The following DEUP1 variants were observed in gnomAD, a reference collection of about 807,000 sequenced individuals.
DEUP1 encodes coiled-coil domain containing 67.
In DEUP1, 82 loss-of-function variants were observed where a neutral mutation model predicts 87.4. The ratio of observed to expected loss-of-function variants is 0.94; its 90% CI spans 0.78 to 1.13. DEUP1 has a LOEUF of 1.13. Among genes scored for constraint, DEUP1 ranks in the 50% most tolerant of loss-of-function variants. The pLI is 0.00. For synonymous variants in DEUP1, 214 were observed against 222.7 expected (o/e 0.96, Z 0.35); for missense variants, 663 against 681.5 (o/e 0.97, Z 0.30).
At chr11:93,353,954 A>G (rs1369809454) in intron 2 of DEUP1, among the ~76,000 whole-genome samples, 1 of 152,242 alleles carries the variant, frequency 6.6e-6, no homozygotes, top group Non-Finnish European at 1.5e-5. Flanking sequence ...GATTAACATT[A>G]GGCTCCTTGC....
chr11:93,370,421 A>T (rs1292937685), intron 6 of DEUP1, among the ~76,000 whole-genome samples: 1 of 152,216 alleles, frequency 6.6e-6, no homozygotes, highest in Non-Finnish European at 1.5e-5. Flanking sequence ...ATTAAATAGC[A>T]TATGTTTTTG....
At chr11:93,359,161 G>C (rs1463692852) in intron 4 of DEUP1, among the ~76,000 whole-genome samples, 1 of 152,128 alleles carries the variant, frequency 6.6e-6, no homozygotes, top group Non-Finnish European at 1.5e-5. Flanking sequence ...GCAGAAAATG[G>C]TATCTTGTGG....
chr11:93,352,187 C>T, intron 2 of DEUP1: 1 of 524,770 alleles, frequency 1.9e-6, no homozygotes, highest in South Asian at 3.2e-5. Context: ...TGGCACCTGC[C>T]TCTCCCTCCT....
At chr11:93,381,355 G>T (rs2925363) in intron 7 of DEUP1, among the ~76,000 whole-genome samples, 27 of 151,920 alleles carry the variant, frequency 1.8e-4, no homozygotes, top group African/African-American at 5.6e-4. Context: ...CAAAACTGTC[G>T]TGACAGTGTT....
At position 93,437,733 on chromosome 11, in the gene DEUP1, T is replaced by C. The variant is rs1477625340; in HGVS notation, c.*14T>C. ...AGACACATATGAGCTTTTAAACTTT[T>C]TTATTTGCTTCCCCCCCCCACCCCC... On this transcript the variant is annotated 3_prime_UTR_variant, in exon 14 of 14. Coordinates refer to ENST00000298050, the MANE Select transcript of DEUP1 (RefSeq NM_181645.4). The C allele has an allele frequency of 7.0e-7, 1 of 1,431,398 alleles. No homozygotes were observed. The highest frequency in any genetic ancestry group is 1.9e-5 in the Admixed American group (1 of 53,598). 88.7% of individuals were successfully genotyped at this position (1,431,398 alleles called of 1,614,324 possible). A position where few individuals can be genotyped will look rare whatever the true frequency, so the allele number is the denominator to read the frequency against.
rs1182617715 is a variant in DEUP1 at position 93,437,721 on chromosome 11, C to A, written c.*2C>A. ...CTAAAACAAAATAGACACATATGAG[C>A]TTTTAAACTTTTTTATTTGCTTCCC... On this transcript the variant is annotated 3_prime_UTR_variant, in exon 14 of 14. Coordinates refer to ENST00000298050, the MANE Select transcript of DEUP1 (RefSeq NM_181645.4). The A allele has an allele frequency of 6.5e-7, 1 of 1,543,406 alleles. No homozygotes were observed. Among genetic ancestry groups the A allele is most frequent in the Non-Finnish European group, 8.9e-7 (1 of 1,128,342 alleles).
intron 4 of DEUP1, among the ~76,000 whole-genome samples, chr11:93,359,078 A>G (rs1421888661): frequency 1.3e-5 from 2 of 152,214 alleles, no homozygotes; most frequent in African/African-American, 4.8e-5. Flanking sequence ...AAAGTAGGGG[A>G]AAAGAGAGAA....
At chr11:93,355,896 T>A (rs1223008185) in intron 3 of DEUP1, among the ~76,000 whole-genome samples, 2 of 152,150 alleles carry the variant, frequency 1.3e-5, no homozygotes, top group African/African-American at 4.8e-5. Context: ...AAGGCAGAGT[T>A]CAGTAACATT....
chr11:93,419,250 C>T (rs1257344196), intron 13 of DEUP1, among the ~76,000 whole-genome samples: 1 of 151,162 alleles, frequency 6.6e-6, no homozygotes, highest in Admixed American at 6.6e-5. Flanking sequence ...CACACTGCTA[C>T]TGCTCAGACC....
chr11:93,406,344 A>G, intron 11 of DEUP1, among the ~76,000 whole-genome samples: 1 of 151,946 alleles, frequency 6.6e-6, no homozygotes, highest in East Asian at 1.9e-4. Context: ...CGCAATCTAT[A>G]TTAATTTAGT....
chr11:93,341,622 G>C (rs575236673), intron 2 of DEUP1, among the ~76,000 whole-genome samples: 5 of 152,226 alleles, frequency 3.3e-5, no homozygotes, highest in African/African-American at 9.6e-5. Context: ...ATAACAGCTA[G>C]GATTATAGCA....
chr11:93,334,526 TAGAG>T (rs1029036570), intron 2 of DEUP1, among the ~76,000 whole-genome samples: 2 of 151,922 alleles, frequency 1.3e-5, no homozygotes, highest in South Asian at 2.1e-4. Flanking sequence ...GTGGGAAAAA[TAGAG>T]AGTGTGAATG....
intron 11 of DEUP1, among the ~76,000 whole-genome samples, chr11:93,407,182 G>A (rs11020314): frequency 0.25 from 38,333 of 151,458 alleles, 5,193 homozygotes; most frequent in Middle Eastern, 0.38. Flanking sequence ...TATGTATAAG[G>A]AAATCAACAC....
chr11:93,386,518 G>T (rs1946566998), intron 8 of DEUP1, among the ~76,000 whole-genome samples: 1 of 152,128 alleles, frequency 6.6e-6, no homozygotes, highest in African/African-American at 2.4e-5. Context: ...TAGCCAAATA[G>T]GGATGCTTTA....
intron 3 of DEUP1, among the ~76,000 whole-genome samples, 162 bp from the exon 4 acceptor site, chr11:93,356,786 G>A (rs972495958): frequency 3.9e-5 from 6 of 152,108 alleles, no homozygotes; most frequent in African/African-American, 1.2e-4. Context: ...TTTGGTTTTT[G>A]TGAATTTAAT....
rs1450135134 is a variant in DEUP1, at chr11:93,408,397, G to A, written c.1493G>A (p.Ser498Asn). ...GAAACAGGAAGATATGCCTATCAAA[G>A]CCAAATAAAAGTGGAACAAAATGAA... ...YEETGRYAYQSQIKVEQNEER... is the reference protein window; with the variant it reads ...YEETGRYAYQNQIKVEQNEER... Residue 498 changes from serine (S) to asparagine (N), a missense_variant, in exon 12 of 14, where the codon AGC becomes AAC. Ser to Asn is a conservative substitution (Grantham distance 46). Transcript: ENST00000298050. 1.3e-6 allele frequency: 2 copies of A among 1,563,396 alleles called. No homozygotes were observed. Among genetic ancestry groups the A allele is most frequent in the South Asian group, 1.2e-5 (1 of 83,998 alleles).
In DEUP1 at chr11:93,437,526, T is replaced by C. The variant is rs115751663; in HGVS notation, c.1639-17T>C. The C allele has an allele frequency of 1.3e-6, 2 of 1,590,708 alleles. No individual in the cohort carries two copies. Among genetic ancestry groups the C allele is most frequent in the East Asian group, 4.5e-5 (2 of 44,712 alleles). On this transcript the variant is annotated splice_polypyrimidine_tract_variant and intron_variant, in intron 13 of 13. Coordinates refer to ENST00000298050, the MANE Select transcript of DEUP1 (RefSeq NM_181645.4). ...GCTCTGTATTCCTCACTCACTTTTC[T>C]TTCTTTCTCTCTTTAGTCTCCCCCA...
rs575197127 is a variant in DEUP1, at chr11:93,385,795, G to A, written c.935+252G>A. 4.6e-5 allele frequency among the ~76,000 whole-genome samples: 7 copies of A among 152,132 alleles called. No homozygotes were observed. The South Asian group carries it at 1.5e-3, about 32-fold the overall frequency. The stretch of plus-strand genomic sequence containing the variant: ...TCTGTCACACTGAGTCAGACCTGGT[G>A]GCTCCTAGCACTTTGGAAGGCCGAG... On this transcript the variant is annotated intron_variant, in intron 8 of 13. Transcript: ENST00000298050.
intron 10 of DEUP1, among the ~76,000 whole-genome samples, chr11:93,395,408 A>G (rs1331372244): frequency 2.0e-5 from 3 of 152,180 alleles, no homozygotes; most frequent in Non-Finnish European, 4.4e-5. Flanking sequence ...ATCGTGAATT[A>G]TGAAAACAGA....
Sources: gnomAD v4.1 joint callset for allele counts (sites outside exome capture counted in the v4.1 genomes callset) on GRCh38, gnomAD v4.1.1 for gene constraint, MANE v1.5 for transcripts, NCBI Gene and HGNC (gene_info 2026-07-23, HGNC 2026-07-21) for gene names.